Variants in ANKRD44 observed in about 807,000 individuals in gnomAD.
The protein encoded by ANKRD44 is ankyrin repeat domain 44, also known as serine/threonine-protein phosphatase 6 regulatory ankyrin repeat subunit B.
A neutral mutation model predicts 116.0 loss-of-function variants in ANKRD44; 35 were observed. That is an observed-to-expected ratio of 0.30 (90% CI 0.23 to 0.40). ANKRD44 has a LOEUF of 0.40. ANKRD44 is among the 10% of genes least tolerant of loss of function. ANKRD44 has a pLI of 1.00. For synonymous variants in ANKRD44, 435 were observed against 461.8 expected (o/e 0.94, Z 0.74); for missense variants, 1,014 against 1,242.6 (o/e 0.82, Z 2.77).
intron 1 of ANKRD44, among the ~76,000 whole-genome samples, chr2:197,187,676 CT>C (rs2080717203): frequency 2.0e-5 from 3 of 151,532 alleles, no homozygotes; most frequent in South Asian, 4.2e-4. Context: ...CTCTCTCTCT[CT>C]CCCTCTTCTT....
intron 25 of ANKRD44, among the ~76,000 whole-genome samples, chr2:196,997,281 A>G (rs1202567509): frequency 1.3e-5 from 2 of 152,016 alleles, no homozygotes; most frequent in East Asian, 3.8e-4. Flanking sequence ...GGGTTGAATA[A>G]AAGATGGCCC....
intron 16 of ANKRD44, chr2:197,078,290 CA>C (rs1363139589): frequency 3.2e-3 from 9 of 2,818 alleles, no homozygotes; most frequent in East Asian, 0.053. Flanking sequence ...CACTGATTAC[CA>C]CACACACACA....
chr2:196,983,012 C>T (rs1161889857), downstream of ANKRD44, among the ~76,000 whole-genome samples: 3 of 152,002 alleles, frequency 2.0e-5, no homozygotes, highest in East Asian at 3.9e-4. Flanking sequence ...GTATATCACA[C>T]ACCAGGGCCT....
At chr2:197,041,310 T>C (rs865776838) in intron 16 of ANKRD44, among the ~76,000 whole-genome samples, 5 of 152,274 alleles carry the variant, frequency 3.3e-5, no homozygotes, top group African/African-American at 4.8e-5. Flanking sequence ...CAAAAGGTCA[T>C]GGTAACGGCC....
chr2:197,005,839 G>A lies in ANKRD44; in HGVS notation c.2202C>T (p.Ser734=), dbSNP rs1251400914. The part of the protein sequence containing the change: ...EQEVSILCKD[S]RGRTPLHYAA... ...CATAGTGCAAGGGCGTCCTCCCTCT[G>A]GAATCTTTACAGAGAATTGACACTT... is the stretch of plus-strand genomic sequence containing the variant. Residue 734 remains serine, a synonymous_variant, in exon 21 of 28, where the codon TCC becomes TCT. Transcript: ENST00000282272. The A allele has an allele frequency of 1.2e-6, 2 of 1,614,242 alleles. No individual in the cohort carries two copies. Among genetic ancestry groups the A allele is most frequent in the Non-Finnish European group, 1.7e-6 (2 of 1,180,046 alleles).
At chr2:197,133,137 T>C (rs1394215371) in intron 4 of ANKRD44, among the ~76,000 whole-genome samples, 1 of 152,236 alleles carries the variant, frequency 6.6e-6, no homozygotes, top group Non-Finnish European at 1.5e-5. Flanking sequence ...ATCACCACGT[T>C]GGCAAGGGGC....
chr2:197,110,753 G>C lies in ANKRD44; in HGVS notation c.985+13C>G. 2 of 1,606,268 alleles carry C rather than the reference G, an allele frequency of 1.2e-6. No individual in the cohort carries two copies. Among genetic ancestry groups the C allele is most frequent in the South Asian group, 1.1e-5 (1 of 90,912 alleles). ...CTATCGAAATAATGACACTACTGAA[G>C]CATCTCTCTTACCATTCTGAATGAG... On this transcript the variant is annotated intron_variant, in intron 9 of 27. Coordinates refer to ENST00000282272, the MANE Select transcript of ANKRD44 (RefSeq NM_001195144.2).
At chr2:197,155,278 C>T (rs963802212) in intron 2 of ANKRD44, among the ~76,000 whole-genome samples, 2 of 152,170 alleles carry the variant, frequency 1.3e-5, no homozygotes, top group African/African-American at 4.8e-5. Flanking sequence ...AGTAACTTGT[C>T]CAGAGTCACA....
chr2:197,140,770 C>A (rs1373216805), intron 3 of ANKRD44, among the ~76,000 whole-genome samples: 2 of 152,098 alleles, frequency 1.3e-5, no homozygotes, highest in Non-Finnish European at 2.9e-5. Flanking sequence ...CACGAGGAAA[C>A]TTTTGGAGGT....
chr2:196,984,704 CA>C (rs1342408533), downstream of ANKRD44, among the ~76,000 whole-genome samples: 2 of 152,164 alleles, frequency 1.3e-5, no homozygotes, highest in Admixed American at 1.3e-4. Flanking sequence ...TATGAGAACA[CA>C]ATTAAAATTA....
At chr2:197,069,816 T>G (rs2077521538) in intron 16 of ANKRD44, among the ~76,000 whole-genome samples, 1 of 152,118 alleles carries the variant, frequency 6.6e-6, no homozygotes, top group South Asian at 2.1e-4. Context: ...TGATAAGAAT[T>G]GTGTTAAACC....
At chr2:197,105,616 T>A (rs78382449) in intron 9 of ANKRD44, among the ~76,000 whole-genome samples, 2,535 of 152,300 alleles carry the variant, frequency 0.017, 31 homozygotes, top group Middle Eastern at 0.041. Context: ...TAGTTTACGG[T>A]GAGCATGTAC....
chr2:197,024,488 A>G (rs186725126), intron 17 of ANKRD44, among the ~76,000 whole-genome samples: 76 of 152,338 alleles, frequency 5.0e-4, no homozygotes, highest in African/African-American at 1.8e-3. Context: ...AACTCTTAGC[A>G]ACTCACAATC....
intron 16 of ANKRD44, among the ~76,000 whole-genome samples, chr2:197,045,726 T>C (rs2076989801): frequency 6.6e-6 from 1 of 152,200 alleles, no homozygotes; most frequent in African/African-American, 2.4e-5. Context: ...TGTTTTCTTT[T>C]CCATTGACTT....
At chr2:197,036,785 G>T (rs2076816564) in intron 16 of ANKRD44, among the ~76,000 whole-genome samples, 1 of 152,166 alleles carries the variant, frequency 6.6e-6, no homozygotes, top group African/African-American at 2.4e-5. Context: ...AAAATGCATG[G>T]TATTTCAAAC....
intron 1 of ANKRD44, among the ~76,000 whole-genome samples, chr2:197,228,856 T>TA (rs2081785225): frequency 3.3e-5 from 5 of 152,158 alleles, no homozygotes; most frequent in African/African-American, 9.7e-5. Context: ...ACCAACATGG[T>TA]GAAACCCTGT....
intron 1 of ANKRD44, among the ~76,000 whole-genome samples, chr2:197,187,711 C>G (rs1169399697): frequency 6.6e-6 from 1 of 152,090 alleles, no homozygotes; most frequent in Non-Finnish European, 1.5e-5. Flanking sequence ...TTTCTTCTCT[C>G]TCACACAGGA....
intron 1 of ANKRD44, among the ~76,000 whole-genome samples, chr2:197,207,032 G>A (rs1472896260): frequency 1.2e-4 from 18 of 152,130 alleles, no homozygotes; most frequent in Admixed American, 1.2e-3. Flanking sequence ...ATCGTGATAA[G>A]ATTTTAAGCT....
At position 196,993,549 on chromosome 2, in the gene ANKRD44, G is replaced by A. The variant is rs139754693; in HGVS notation, c.2923+34C>T. ...TCTGGCTTCAACTAGCTTATGGAAG[G>A]TACCTGCAGTCGCTGTTGACTTTTT... is the stretch of plus-strand genomic sequence containing the variant. On this transcript the variant is annotated intron_variant, in intron 27 of 27. Coordinates refer to ENST00000282272, the MANE Select transcript of ANKRD44 (RefSeq NM_001195144.2). 162 of 1,498,158 alleles carry A rather than the reference G, an allele frequency of 1.1e-4. 1 individual carries two copies. In the East Asian group the frequency reaches 3.0e-3, roughly 27 times the overall value. The allele number at this position is 1,498,158 out of a possible 1,614,324, so 92.8% of individuals were successfully genotyped here.
Sources: gnomAD v4.1 joint callset for allele counts (sites outside exome capture counted in the v4.1 genomes callset) on GRCh38, gnomAD v4.1.1 for gene constraint, MANE v1.5 for transcripts, NCBI Gene and HGNC (gene_info 2026-07-23, HGNC 2026-07-21) for gene names.